EML5: variants seen among roughly 807,000 people sequenced by gnomAD.
EML5 encodes EMAP like 5.
EML5 carries 120 observed loss-of-function variants against 250.0 expected under a neutral mutation model. That is an observed-to-expected ratio of 0.48 (90% CI 0.41 to 0.56). The LOEUF (loss-of-function observed/expected upper bound fraction) is 0.56, where lower values mean the gene tolerates loss of function less well. EML5 is among the 20% of genes least tolerant of loss of function. The pLI, the probability that EML5 is intolerant of heterozygous loss-of-function variation, is 0.00. For missense variants in EML5, 2,006 were observed against 2,437.6 expected (o/e 0.82, Z 3.73); for synonymous variants, 771 against 806.5 (o/e 0.96, Z 0.75).
intron 21 of EML5, among the ~76,000 whole-genome samples, chr14:88,670,970 G>C (rs1040068282): frequency 6.6e-6 from 1 of 152,074 alleles, no homozygotes; most frequent in African/African-American, 2.4e-5. Flanking sequence ...ACAGAACAAA[G>C]TTGTAAAACG....
At chr14:88,673,790 G>A (rs1417738814) in intron 21 of EML5, among the ~76,000 whole-genome samples, 2 of 152,088 alleles carry the variant, frequency 1.3e-5, no homozygotes, top group South Asian at 4.1e-4. Flanking sequence ...GCTATGAAGA[G>A]AATAAAATAC....
chr14:88,717,212 G>A (rs1444730716), intron 8 of EML5, among the ~76,000 whole-genome samples: 1 of 152,190 alleles, frequency 6.6e-6, no homozygotes, highest in Non-Finnish European at 1.5e-5. Flanking sequence ...GGAAATGGAG[G>A]TAAAGGACCT....
rs1325241434 is a variant in EML5, at chr14:88,644,438, T to C, written c.4102A>G (p.Ile1368Val). 7 of 1,613,738 alleles carry C rather than the reference T, an allele frequency of 4.3e-6. No individual in the cohort carries two copies. Among genetic ancestry groups the C allele is most frequent in the Non-Finnish European group, 5.1e-6 (6 of 1,179,692 alleles). Residue 1368 changes from isoleucine (I) to valine (V), a missense_variant, in exon 30 of 44, where the codon ATA becomes GTA. By Grantham distance (29) the Ile-to-Val change is conservative. Coordinates refer to ENST00000554922, the MANE Select transcript of EML5 (RefSeq NM_183387.3). ...GGAGAGTGAGTTTTCCTTACCTCTA[T>C]AGGTCTCTTTTTCTTGCCTACATTG... ...TNNVGKKKRP[I>V]EDLVLELIFG...
At chr14:88,630,418 A>G (rs746977098) in intron 33 of EML5, among the ~76,000 whole-genome samples, 9 of 151,934 alleles carry the variant, frequency 5.9e-5, no homozygotes, top group Non-Finnish European at 1.2e-4. Context: ...GTAGTGAGTA[A>G]CTCCTTACTG....
At chr14:88,708,059 T>C (rs2139803446) in intron 10 of EML5, among the ~76,000 whole-genome samples, 1 of 152,298 alleles carries the variant, frequency 6.6e-6, no homozygotes, top group East Asian at 1.9e-4. Flanking sequence ...AATAATCCTG[T>C]AAGTCCCTTC....
chr14:88,652,276 T>A (rs1354026043), intron 27 of EML5, among the ~76,000 whole-genome samples: 1 of 152,142 alleles, frequency 6.6e-6, no homozygotes, highest in Non-Finnish European at 1.5e-5. Context: ...ACATGAGGTA[T>A]ACCATCAGCA....
intron 1 of EML5, among the ~76,000 whole-genome samples, chr14:88,772,932 C>G (rs1174630847): frequency 6.6e-6 from 1 of 152,192 alleles, no homozygotes; most frequent in East Asian, 1.9e-4. Context: ...TCATATTATT[C>G]ATGCTTTGGG....
intron 33 of EML5, among the ~76,000 whole-genome samples, chr14:88,629,946 G>T (rs2090333610): frequency 6.6e-6 from 1 of 151,786 alleles, no homozygotes; most frequent in South Asian, 2.1e-4. Flanking sequence ...TTTTTAATTG[G>T]GTCTTACAAG....
At chr14:88,652,151 C>T (rs1480548803) in intron 27 of EML5, among the ~76,000 whole-genome samples, 1 of 152,108 alleles carries the variant, frequency 6.6e-6, no homozygotes, top group East Asian at 1.9e-4. Flanking sequence ...GTATACTGTG[C>T]TTTCTTAAAA....
At chr14:88,742,398 G>A (rs1224899959) in intron 4 of EML5, among the ~76,000 whole-genome samples, 2 of 152,114 alleles carry the variant, frequency 1.3e-5, no homozygotes, top group Admixed American at 6.5e-5. Context: ...GTTGGACAGT[G>A]CAGTTCTAGA....
intron 30 of EML5, among the ~76,000 whole-genome samples, chr14:88,643,711 G>A (rs1456889678): frequency 3.3e-5 from 5 of 152,096 alleles, no homozygotes; most frequent in Non-Finnish European, 5.9e-5. Flanking sequence ...CACATACTTC[G>A]AAGAACTCAA....
chr14:88,722,555 G>T (rs1321127271), intron 8 of EML5, among the ~76,000 whole-genome samples: 3 of 152,078 alleles, frequency 2.0e-5, no homozygotes, highest in African/African-American at 4.8e-5. Flanking sequence ...ATAAGTGGGA[G>T]CTGAACAATG....
chr14:88,761,593 T>A (rs1159144121), intron 1 of EML5, among the ~76,000 whole-genome samples: 1 of 152,224 alleles, frequency 6.6e-6, no homozygotes, highest in Non-Finnish European at 1.5e-5. Context: ...ATCCAGTCTA[T>A]CATTGATGGG....
intron 33 of EML5, among the ~76,000 whole-genome samples, chr14:88,634,143 C>T (rs2090592614): frequency 6.6e-6 from 1 of 152,262 alleles, no homozygotes; most frequent in African/African-American, 2.4e-5. Context: ...CCTTGCTGTT[C>T]TTGTGATTGT....
intron 21 of EML5, among the ~76,000 whole-genome samples, chr14:88,669,317 G>T (rs2092394471): frequency 6.6e-6 from 1 of 152,186 alleles, no homozygotes; most frequent in Non-Finnish European, 1.5e-5. Context: ...CATCACTTTG[G>T]CTGTCTGCTG....
At chr14:88,789,398 G>A (rs2094584183) in intron 1 of EML5, among the ~76,000 whole-genome samples, 1 of 152,134 alleles carries the variant, frequency 6.6e-6, no homozygotes, top group East Asian at 1.9e-4. Flanking sequence ...AATGACTAGA[G>A]AAGTATACAC....
intron 6 of EML5, among the ~76,000 whole-genome samples, chr14:88,738,225 A>G (rs2093874396): frequency 6.6e-6 from 1 of 152,140 alleles, no homozygotes; most frequent in South Asian, 2.1e-4. Context: ...AGAAATATCA[A>G]TTCATATATA....
chr14:88,697,032 A>C (rs559303443), intron 14 of EML5, 80 bp from the exon 15 acceptor site: 8 of 913,124 alleles, frequency 8.8e-6, no homozygotes, highest in Admixed American at 7.0e-5. Flanking sequence ...AAAACAAGAG[A>C]TTTTTACAGC....
At chr14:88,741,695 G>C (rs902768376) in intron 4 of EML5, among the ~76,000 whole-genome samples, 2 of 152,146 alleles carry the variant, frequency 1.3e-5, no homozygotes, top group African/African-American at 4.8e-5. Context: ...TCCAGCATGG[G>C]CCACATGGTA....
Sources: allele counts gnomAD v4.1 joint callset (sites outside exome capture counted in the v4.1 genomes callset), GRCh38; gene constraint gnomAD v4.1.1; transcripts MANE v1.5; gene names NCBI Gene and HGNC (gene_info 2026-07-23, HGNC 2026-07-21).